The following NAALADL2 variants were observed in gnomAD, a reference collection of about 807,000 sequenced individuals.
NAALADL2 encodes the protein N-acetylated alpha-linked acidic dipeptidase like 2.
NAALADL2 carries 76 observed loss-of-function variants against 87.2 expected under a neutral mutation model. That is an observed-to-expected ratio of 0.87 (90% CI 0.72 to 1.05). The LOEUF is 1.05. Among genes scored for constraint, NAALADL2 ranks in the 50% least tolerant of loss-of-function variants. The probability of loss-of-function intolerance (pLI) is 0.00; values close to 1 mark genes in which losing one functional copy is unlikely to be tolerated. For synonymous variants in NAALADL2, 354 were observed against 331.0 expected (o/e 1.07, Z -0.75); for missense variants, 1,089 against 945.8 (o/e 1.15, Z -1.99).
intron 2 of NAALADL2, among the ~76,000 whole-genome samples, chr3:174,703,570 G>A (rs1729770912): frequency 6.6e-6 from 1 of 152,020 alleles, no homozygotes; most frequent in Admixed American, 6.6e-5. Context: ...GCCTCTGAAA[G>A]ACTTATTAGT....
chr3:174,844,621 C>A (rs1326876762), intron 3 of NAALADL2, among the ~76,000 whole-genome samples: 1 of 151,890 alleles, frequency 6.6e-6, no homozygotes, highest in African/African-American at 2.4e-5. Flanking sequence ...TCTTCCAATC[C>A]GTAAACATTG....
chr3:175,748,862 T>C (rs972843902), intron 12 of NAALADL2, among the ~76,000 whole-genome samples: 1 of 151,810 alleles, frequency 6.6e-6, no homozygotes, highest in African/African-American at 2.4e-5. Flanking sequence ...CCCACCACTA[T>C]AGGATGCTGA....
chr3:174,823,761 A>C (rs1721679555), intron 3 of NAALADL2, among the ~76,000 whole-genome samples: 1 of 152,128 alleles, frequency 6.6e-6, no homozygotes, highest in Non-Finnish European at 1.5e-5. Context: ...GCCAGGCTGG[A>C]GTGCAGTGGC....
intron 1 of NAALADL2, among the ~76,000 whole-genome samples, chr3:175,045,705 G>T (rs928592526): frequency 2.0e-5 from 3 of 152,124 alleles, no homozygotes; most frequent in African/African-American, 7.2e-5. Flanking sequence ...GATGAGCCCA[G>T]ATACTTGCTC....
At chr3:175,627,241 A>G (rs1006224832) in intron 10 of NAALADL2, 50 bp from the exon 11 acceptor site, 3 of 1,436,282 alleles carry the variant, frequency 2.1e-6, no homozygotes, top group Admixed American at 2.1e-5. Context: ...AACACTTGAA[A>G]AACAAAATCG....
intron 3 of NAALADL2, among the ~76,000 whole-genome samples, chr3:174,802,180 A>G (rs545506917): frequency 6.6e-6 from 1 of 152,086 alleles, no homozygotes; most frequent in South Asian, 2.1e-4. Flanking sequence ...TTGTTTCTCT[A>G]TTTCTTACAA....
chr3:175,207,285 G>A (rs1310347258), intron 2 of NAALADL2, among the ~76,000 whole-genome samples: 2 of 151,726 alleles, frequency 1.3e-5, no homozygotes, highest in East Asian at 1.9e-4. Flanking sequence ...ATTGAGGGGA[G>A]GCAAACCACA....
At chr3:174,716,649 A>C (rs545519956) in intron 2 of NAALADL2, among the ~76,000 whole-genome samples, 1 of 152,184 alleles carries the variant, frequency 6.6e-6, no homozygotes, top group African/African-American at 2.4e-5. Flanking sequence ...ATTAAAAAAA[A>C]AAATAGACCC....
intron 2 of NAALADL2, among the ~76,000 whole-genome samples, chr3:174,570,683 T>C (rs1714828395): frequency 6.6e-6 from 1 of 152,174 alleles, no homozygotes; most frequent in African/African-American, 2.4e-5. Context: ...TGTATTTTCC[T>C]TTTCCCATTT....
At chr3:174,899,688 C>T (rs1186702457) in intron 1 of NAALADL2, among the ~76,000 whole-genome samples, 1 of 152,112 alleles carries the variant, frequency 6.6e-6, no homozygotes, top group African/African-American at 2.4e-5. Context: ...CATTACCCAG[C>T]CATGGATATT....
chr3:175,121,223 G>T (rs1726108872), intron 2 of NAALADL2, among the ~76,000 whole-genome samples: 1 of 151,888 alleles, frequency 6.6e-6, no homozygotes, highest in African/African-American at 2.4e-5. Flanking sequence ...ATCTATAAGT[G>T]TGTTGGTGAT....
At chr3:175,654,786 CA>C (rs774311184) in intron 11 of NAALADL2, among the ~76,000 whole-genome samples, 24 of 152,128 alleles carry the variant, frequency 1.6e-4, no homozygotes, top group Non-Finnish European at 3.2e-4. Flanking sequence ...AGAAATTCAA[CA>C]ACAAAATGTC....
intron 1 of NAALADL2, among the ~76,000 whole-genome samples, chr3:174,972,021 A>G (rs1291654105): frequency 6.6e-6 from 1 of 152,008 alleles, no homozygotes; most frequent in Admixed American, 6.6e-5. Flanking sequence ...CCTACATAAC[A>G]TACTAAATTT....
intron 5 of NAALADL2, among the ~76,000 whole-genome samples, chr3:175,394,787 A>G (rs924352522): frequency 1.3e-5 from 2 of 152,204 alleles, no homozygotes; most frequent in African/African-American, 4.8e-5. Context: ...TGCCTTTTCC[A>G]TATTTACTAA....
At chr3:175,802,084 C>T (rs1931170) in intron 13 of NAALADL2, among the ~76,000 whole-genome samples, 28,205 of 152,042 alleles carry the variant, frequency 0.19, 3,734 homozygotes, top group African/African-American at 0.37. Flanking sequence ...ATCTGCCCTC[C>T]AAATATCTGA....
chr3:174,525,997 A>C (rs1049727284), intron 1 of NAALADL2, among the ~76,000 whole-genome samples: 2 of 152,212 alleles, frequency 1.3e-5, no homozygotes, highest in Admixed American at 1.3e-4. Flanking sequence ...AAGTAGTGGA[A>C]CTAGTATCTA....
At chr3:174,978,801 T>C (rs1252584873) in intron 1 of NAALADL2, among the ~76,000 whole-genome samples, 2 of 152,230 alleles carry the variant, frequency 1.3e-5, no homozygotes, top group East Asian at 3.9e-4. Flanking sequence ...CATTTTAGAG[T>C]CCAAGAGAAT....
intron 1 of NAALADL2, among the ~76,000 whole-genome samples, chr3:174,937,080 A>G (rs1737802145): frequency 6.6e-6 from 1 of 152,108 alleles, no homozygotes; most frequent in South Asian, 2.1e-4. Context: ...CTACCTGCCC[A>G]AACATTTTAT....
chr3:175,120,984 C>A (rs766031374), intron 2 of NAALADL2, among the ~76,000 whole-genome samples: 4 of 151,830 alleles, frequency 2.6e-5, no homozygotes, highest in Non-Finnish European at 5.9e-5. Flanking sequence ...TTGATAGAGT[C>A]ATGGACACCT....
Sources: gnomAD v4.1 joint callset for allele counts (sites outside exome capture counted in the v4.1 genomes callset) on GRCh38, gnomAD v4.1.1 for gene constraint, MANE v1.5 for transcripts, NCBI Gene and HGNC (gene_info 2026-07-23, HGNC 2026-07-21) for gene names.